The following PLCB4 variants were observed in gnomAD, a reference collection of about 807,000 sequenced individuals.
PLCB4 encodes the protein phospholipase C beta 4.
A neutral mutation model predicts 178.8 loss-of-function variants in PLCB4; 77 were observed. The ratio of observed to expected loss-of-function variants is 0.43; its 90% CI spans 0.36 to 0.52. The LOEUF (loss-of-function observed/expected upper bound fraction) is 0.52, where lower values mean the gene tolerates loss of function less well. Ranked by LOEUF, PLCB4 falls within the 20% of genes least tolerant of loss-of-function variation. The pLI is 0.00. For synonymous variants in PLCB4, 496 were observed against 490.8 expected, an observed-to-expected ratio of 1.01 and a Z score of -0.14; for missense variants, 1,024 against 1,453.4, an observed-to-expected ratio of 0.70 and a Z score of 4.80.
chr20:9,477,040 G>C (rs1181120008), intron 39 of PLCB4, among the ~76,000 whole-genome samples: 1 of 152,204 alleles, frequency 6.6e-6, no homozygotes, highest in Non-Finnish European at 1.5e-5. Flanking sequence ...GTGATGTGCA[G>C]CTGTCATTTG....
chr20:9,232,256 T>C (rs1232422495), intron 3 of PLCB4, among the ~76,000 whole-genome samples: 2 of 152,116 alleles, frequency 1.3e-5, no homozygotes, highest in Non-Finnish European at 2.9e-5. Context: ...CATAGATACA[T>C]TTTATTGCAT....
intron 2 of PLCB4, among the ~76,000 whole-genome samples, chr20:9,174,314 A>T (rs549219506): frequency 1.3e-5 from 2 of 150,696 alleles, no homozygotes; most frequent in South Asian, 2.1e-4. Flanking sequence ...TTTTTTTTTT[A>T]TTTTTTATTT....
chr20:9,161,258 C>T (rs1047541441), intron 2 of PLCB4, among the ~76,000 whole-genome samples: 1 of 152,190 alleles, frequency 6.6e-6, no homozygotes, highest in Non-Finnish European at 1.5e-5. Flanking sequence ...GTTCTTTCCA[C>T]ATGTTAAGTA....
chr20:9,205,617 C>A (rs1454596058), intron 2 of PLCB4, among the ~76,000 whole-genome samples: 1 of 152,126 alleles, frequency 6.6e-6, no homozygotes, highest in East Asian at 1.9e-4. Context: ...AATCCACTGA[C>A]CTTATTAAGA....
At chr20:9,102,873 A>G (rs1322306237) in intron 2 of PLCB4, among the ~76,000 whole-genome samples, 2 of 152,178 alleles carry the variant, frequency 1.3e-5, no homozygotes, top group Non-Finnish European at 1.5e-5. Flanking sequence ...ATTATTATGA[A>G]CACCAAAAAA....
chr20:9,180,720 A>T (rs2093231982), intron 2 of PLCB4, among the ~76,000 whole-genome samples: 1 of 152,114 alleles, frequency 6.6e-6, no homozygotes, highest in Non-Finnish European at 1.5e-5. Context: ...GATCACATTC[A>T]CGCCCATTTC....
At chr20:9,308,799 C>T (rs532974014) in intron 4 of PLCB4, among the ~76,000 whole-genome samples, 1 of 152,170 alleles carries the variant, frequency 6.6e-6, no homozygotes, top group Admixed American at 6.5e-5. Context: ...TTTAAGTAAA[C>T]AAAATTGCAA....
At chr20:9,456,203 G>C (rs1225596039) in intron 33 of PLCB4, among the ~76,000 whole-genome samples, 1 of 152,150 alleles carries the variant, frequency 6.6e-6, no homozygotes, top group Non-Finnish European at 1.5e-5. Context: ...GACAGTCCTT[G>C]GAGCTTTCTC....
intron 3 of PLCB4, among the ~76,000 whole-genome samples, chr20:9,278,565 T>C (rs1216982714): frequency 6.6e-6 from 1 of 152,060 alleles, no homozygotes; most frequent in Non-Finnish European, 1.5e-5. Flanking sequence ...GCGAGCTCTC[T>C]CATGACAACT....
intron 36 of PLCB4, among the ~76,000 whole-genome samples, chr20:9,469,191 C>T (rs1031293309): frequency 6.6e-6 from 1 of 152,046 alleles, no homozygotes; most frequent in African/African-American, 2.4e-5. Context: ...ATGTTGGCCA[C>T]ACTGGTCTTG....
intron 7 of PLCB4, among the ~76,000 whole-genome samples, chr20:9,353,514 C>G (rs2034525124): frequency 6.6e-6 from 1 of 152,238 alleles, no homozygotes; most frequent in African/African-American, 2.4e-5. Flanking sequence ...AGAAGTTGGT[C>G]TGTTATACAA....
intron 1 of PLCB4, among the ~76,000 whole-genome samples, chr20:9,075,483 C>T (rs1167723793): frequency 6.6e-6 from 1 of 152,178 alleles, no homozygotes; most frequent in African/African-American, 2.4e-5. Context: ...TTCGTGGTAG[C>T]CTAAACAAAT....
At chr20:9,180,223 T>TATTATTATGGATAGTA (rs567615002) in intron 2 of PLCB4, among the ~76,000 whole-genome samples, 251 of 152,320 alleles carry the variant, frequency 1.6e-3, no homozygotes, top group Admixed American at 2.7e-3. Context: ...TCTGCCTTGG[T>TATTATTATGGATAGTA]ATTATTATGG....
At chr20:9,094,948 A>G (rs138181808) in intron 1 of PLCB4, among the ~76,000 whole-genome samples, 16 of 152,272 alleles carry the variant, frequency 1.1e-4, no homozygotes, top group Non-Finnish European at 1.8e-4. Context: ...ACTATACTAT[A>G]TTGGCAGTGA....
At chr20:9,439,314 C>G (rs2041968507) in intron 30 of PLCB4, among the ~76,000 whole-genome samples, 1 of 152,152 alleles carries the variant, frequency 6.6e-6, no homozygotes, top group Middle Eastern at 3.2e-3. Context: ...TATCCTGAAG[C>G]CTGAGCAGGC....
chr20:9,335,897 C>G (rs1420092014), intron 4 of PLCB4, among the ~76,000 whole-genome samples: 1 of 152,160 alleles, frequency 6.6e-6, no homozygotes, highest in East Asian at 1.9e-4. Context: ...CAGAAAACTA[C>G]CCAAATTGAA....
chr20:9,360,032 T>C (rs76600315), intron 7 of PLCB4, among the ~76,000 whole-genome samples: 6,620 of 152,236 alleles, frequency 0.043, 489 homozygotes, highest in African/African-American at 0.15. Context: ...TACCATGTCG[T>C]GAGGAGAGAA....
chr20:9,435,794 T>G (rs578020918), intron 29 of PLCB4, 146 bp downstream of exon 29: 1 of 533,378 alleles, frequency 1.9e-6, no homozygotes, highest in South Asian at 3.1e-5. Flanking sequence ...ATAGTTAACT[T>G]TCTACAAAAG....
chr20:9,153,299 G>T (rs1426811486), intron 2 of PLCB4, among the ~76,000 whole-genome samples: 1 of 152,156 alleles, frequency 6.6e-6, no homozygotes, highest in Non-Finnish European at 1.5e-5. Flanking sequence ...TTGTTTGCCT[G>T]TGTCCCCATC....
Sources: gnomAD v4.1 joint callset for allele counts (sites outside exome capture counted in the v4.1 genomes callset) on GRCh38, gnomAD v4.1.1 for gene constraint, MANE v1.5 for transcripts, NCBI Gene and HGNC (gene_info 2026-07-23, HGNC 2026-07-21) for gene names.